KLF12: variants seen among roughly 807,000 people sequenced by gnomAD.
KLF12 encodes the protein Krueppel-like factor 12.
KLF12 carries 9 observed loss-of-function variants against 37.8 expected under a neutral mutation model. That is an observed-to-expected ratio of 0.24 (90% CI 0.14 to 0.42). The LOEUF is 0.42. Among genes scored for constraint, KLF12 ranks in the 10% least tolerant of loss-of-function variants. The pLI, the probability that KLF12 is intolerant of heterozygous loss-of-function variation, is 1.00. For synonymous variants in KLF12, 208 were observed against 202.1 expected, an observed-to-expected ratio of 1.03 and a Z score of -0.25; for missense variants, 411 against 516.0, an observed-to-expected ratio of 0.80 and a Z score of 1.97.
chr13:73,893,702 G>A (rs1887622799), intron 3 of KLF12, among the ~76,000 whole-genome samples: 1 of 152,000 alleles, frequency 6.6e-6, no homozygotes, highest in African/African-American at 2.4e-5. Flanking sequence ...TGTTTACTGT[G>A]TGCCAGATAT....
At chr13:74,198,221 A>G in the KLF12 span, among the ~76,000 whole-genome samples, 5 of 152,106 alleles carry the variant, frequency 3.3e-5, no homozygotes, top group African/African-American at 9.7e-5. Flanking sequence ...CGGGGAAAGA[A>G]GTGTCTCCTG....
At chr13:74,137,453 G>C (rs1374825216), upstream of KLF12, among the ~76,000 whole-genome samples, 1 of 152,154 alleles carries the variant, frequency 6.6e-6, no homozygotes, top group Non-Finnish European at 1.5e-5. Flanking sequence ...ATAACCAAAA[G>C]AAGGATGAAT....
intron 3 of KLF12, among the ~76,000 whole-genome samples, chr13:73,872,993 G>C (rs1470079712): frequency 6.6e-6 from 1 of 152,094 alleles, no homozygotes; most frequent in African/African-American, 2.4e-5. Flanking sequence ...GTATAAATGA[G>C]TGAAATGAGG....
chr13:74,167,711 C>T, the KLF12 span, among the ~76,000 whole-genome samples: 1 of 152,216 alleles, frequency 6.6e-6, no homozygotes, highest in South Asian at 2.1e-4. Flanking sequence ...ATTTAATCCT[C>T]TGCTGAATTC....
intron 1 of KLF12, among the ~76,000 whole-genome samples, chr13:74,069,069 T>G (rs1874078078): frequency 6.6e-6 from 1 of 152,158 alleles, no homozygotes; most frequent in Admixed American, 6.5e-5. Context: ...TCAAATGTAA[T>G]GGGATAGACA....
chr13:74,134,861 G>C (rs941742223), upstream of KLF12, among the ~76,000 whole-genome samples: 2 of 152,020 alleles, frequency 1.3e-5, no homozygotes, highest in Admixed American at 6.6e-5. Context: ...GGGTGGGGGC[G>C]CGCAGTGGAG....
intron 1 of KLF12, among the ~76,000 whole-genome samples, chr13:74,042,847 A>C (rs1362974238): frequency 6.6e-6 from 1 of 152,218 alleles, no homozygotes; most frequent in African/African-American, 2.4e-5. Flanking sequence ...GCACAAATTA[A>C]AACAGACAGC....
At chr13:74,166,173 G>A in the KLF12 span, among the ~76,000 whole-genome samples, 12 of 143,508 alleles carry the variant, frequency 8.4e-5, no homozygotes, top group Admixed American at 9.0e-4. Context: ...GCTTACTGCA[G>A]CCTTGACTTC....
At chr13:74,110,700 T>C (rs1007630416) in intron 1 of KLF12, among the ~76,000 whole-genome samples, 2 of 152,162 alleles carry the variant, frequency 1.3e-5, no homozygotes, top group Non-Finnish European at 2.9e-5. Context: ...TCACAGCTGG[T>C]TGGTCTCGGT....
At chr13:73,723,408 G>A (rs1239094646) in intron 6 of KLF12, among the ~76,000 whole-genome samples, 5 of 152,078 alleles carry the variant, frequency 3.3e-5, no homozygotes, top group Non-Finnish European at 7.4e-5. Context: ...TAAATATTTA[G>A]AGGGATTTTC....
rs149385200 is a variant in KLF12, at chr13:73,956,216, A to G, written c.34-12146T>C. Among the ~76,000 whole-genome samples, 235 of 152,320 alleles carry G rather than the reference A, an allele frequency of 1.5e-3. 1 individual carries two copies. Among genetic ancestry groups the G allele is most frequent in the African/African-American group, 5.2e-3 (215 of 41,558 alleles). ...TAATAAGCATGACCCATAAAAATAG[A>G]AACAGTATAATTTTGAATAACTGAA... On this transcript the variant is annotated intron_variant, in intron 2 of 7. Coordinates refer to ENST00000377669, the MANE Select transcript of KLF12 (RefSeq NM_007249.5).
chr13:74,271,374 A>G, the KLF12 span, among the ~76,000 whole-genome samples: 1 of 152,214 alleles, frequency 6.6e-6, no homozygotes, highest in Non-Finnish European at 1.5e-5. Flanking sequence ...CTTGGACATT[A>G]ATATGAGGTC....
chr13:74,036,733 G>A (rs954899842), intron 1 of KLF12, among the ~76,000 whole-genome samples: 23 of 152,212 alleles, frequency 1.5e-4, no homozygotes, highest in Admixed American at 6.5e-4. Context: ...TCCCAAGGAA[G>A]TTCCATTAAC....
the KLF12 span, among the ~76,000 whole-genome samples, chr13:74,223,568 G>A: frequency 2.6e-5 from 4 of 152,264 alleles, no homozygotes; most frequent in East Asian, 7.7e-4. Context: ...TGGGACCCAG[G>A]GGAGTCTTCC....
intron 7 of KLF12, among the ~76,000 whole-genome samples, chr13:73,712,156 T>G (rs1434012221): frequency 1.3e-5 from 2 of 151,784 alleles, no homozygotes; most frequent in East Asian, 1.9e-4. Context: ...CTGACCAACA[T>G]GAAGAAACCC....
At chr13:73,778,268 C>T (rs1401908625) in intron 5 of KLF12, among the ~76,000 whole-genome samples, 1 of 152,188 alleles carries the variant, frequency 6.6e-6, no homozygotes, top group Non-Finnish European at 1.5e-5. Context: ...TGACAGTGTT[C>T]CATGACACTT....
In KLF12 at chr13:73,965,294, G is replaced by A. The variant is rs189965661; in HGVS notation, c.34-21224C>T. Among the ~76,000 whole-genome samples, 24 of 152,144 alleles carry A rather than the reference G, an allele frequency of 1.6e-4. No homozygotes were observed. The East Asian group carries it at 4.2e-3, about 27-fold the overall frequency. Reference sequence around the variant, plus strand: ...CATGACAATAATACATATTTCAGACGAATAATACATATTTCAGACTAAAGA... The same window carrying A: ...CATGACAATAATACATATTTCAGACAAATAATACATATTTCAGACTAAAGA... On this transcript the variant is annotated intron_variant, in intron 2 of 7. Coordinates refer to ENST00000377669, the MANE Select transcript of KLF12 (RefSeq NM_007249.5).
intron 6 of KLF12, among the ~76,000 whole-genome samples, chr13:73,745,882 C>T (rs554725533): frequency 3.9e-5 from 6 of 152,272 alleles, no homozygotes; most frequent in East Asian, 3.9e-4. Flanking sequence ...AGTTAAATGA[C>T]GTATCATTTT....
intron 2 of KLF12, among the ~76,000 whole-genome samples, chr13:73,985,043 T>A (rs1028470353): frequency 3.3e-5 from 5 of 152,150 alleles, no homozygotes; most frequent in African/African-American, 1.2e-4. Context: ...CCCACCCACC[T>A]TCCCCAGTGC....
Sources: allele counts gnomAD v4.1 joint callset (sites outside exome capture counted in the v4.1 genomes callset), GRCh38; gene constraint gnomAD v4.1.1; transcripts MANE v1.5; gene names NCBI Gene and HGNC (gene_info 2026-07-23, HGNC 2026-07-21).